Variants in CREB5 observed in about 807,000 individuals in gnomAD.
The protein encoded by CREB5 is cAMP responsive element binding protein 5.
Under a neutral mutation model 57.1 loss-of-function variants are expected in CREB5, and 19 were observed. The ratio of observed to expected loss-of-function variants is 0.33; its 90% CI spans 0.23 to 0.49. The LOEUF (loss-of-function observed/expected upper bound fraction) is 0.49, where lower values mean the gene tolerates loss of function less well. CREB5 is among the 20% of genes least tolerant of loss of function. The probability of loss-of-function intolerance (pLI) is 0.99; values close to 1 mark genes in which losing one functional copy is unlikely to be tolerated. For synonymous variants in CREB5, 238 were observed against 238.3 expected (o/e 1.00, Z 0.01); for missense variants, 579 against 671.6 (o/e 0.86, Z 1.52).
chr7:28,665,242 G>A (rs1799777320), intron 5 of CREB5, among the ~76,000 whole-genome samples: 1 of 152,162 alleles, frequency 6.6e-6, no homozygotes, highest in Admixed American at 6.5e-5. Context: ...GGGTAGGGGA[G>A]AGCGGAAACC....
intron 5 of CREB5, among the ~76,000 whole-genome samples, chr7:28,610,584 G>C (rs1159940197): frequency 6.6e-6 from 1 of 152,122 alleles, no homozygotes; most frequent in Non-Finnish European, 1.5e-5. Flanking sequence ...CCGAAGATAA[G>C]AATTCAACCT....
intron 1 of CREB5, among the ~76,000 whole-genome samples, chr7:28,453,834 C>A (rs1278012641): frequency 6.6e-6 from 1 of 152,168 alleles, no homozygotes; most frequent in Non-Finnish European, 1.5e-5. Flanking sequence ...AAAATAAAAT[C>A]TTTGTAAATG....
chr7:28,600,311 T>C (rs1418215521), intron 5 of CREB5, among the ~76,000 whole-genome samples: 1 of 152,130 alleles, frequency 6.6e-6, no homozygotes, highest in African/African-American at 2.4e-5. Flanking sequence ...TCCTGACATC[T>C]CCTCCCGTGT....
chr7:28,818,683 A>G (rs1403193627), intron 10 of CREB5: 3 of 448,830 alleles, frequency 6.7e-6, no homozygotes, highest in African/African-American at 2.0e-5. Context: ...CAGTTGGTTA[A>G]ATGATAGTTG....
chr7:28,653,073 G>A (rs1447164710), intron 5 of CREB5, among the ~76,000 whole-genome samples: 1 of 152,206 alleles, frequency 6.6e-6, no homozygotes, highest in Non-Finnish European at 1.5e-5. Flanking sequence ...AGTTGTGTGT[G>A]ATTCGGCAGA....
intron 5 of CREB5, among the ~76,000 whole-genome samples, chr7:28,580,252 G>A (rs1428843627): frequency 6.6e-6 from 1 of 152,098 alleles, no homozygotes; most frequent in African/African-American, 2.4e-5. Flanking sequence ...GCTTCATGCT[G>A]TTAGAGGTGA....
intron 7 of CREB5, among the ~76,000 whole-genome samples, chr7:28,740,460 T>C (rs889041280): frequency 1.3e-5 from 2 of 152,304 alleles, no homozygotes; most frequent in African/African-American, 2.4e-5. Context: ...AGGGGTACGA[T>C]GTTCTCTGTT....
chr7:28,365,536 A>G (rs1786569578), intron 1 of CREB5, among the ~76,000 whole-genome samples: 1 of 151,194 alleles, frequency 6.6e-6, no homozygotes, highest in Non-Finnish European at 1.5e-5. Context: ...GATCCCATCT[A>G]CTCCTCTGGC....
chr7:28,493,384 A>T (rs56241566), intron 2 of CREB5, among the ~76,000 whole-genome samples: 2 of 152,116 alleles, frequency 1.3e-5, no homozygotes, highest in Non-Finnish European at 2.9e-5. Flanking sequence ...CTATAATAAC[A>T]AATTACCCCA....
At chr7:28,763,346 AAG>A (rs1192850656) in intron 7 of CREB5, among the ~76,000 whole-genome samples, 1 of 152,160 alleles carries the variant, frequency 6.6e-6, no homozygotes, top group African/African-American at 2.4e-5. Context: ...TTCTATTTCA[AAG>A]AGAGTCCTCC....
intron 5 of CREB5, among the ~76,000 whole-genome samples, chr7:28,593,155 CAT>C (rs1263598627): frequency 6.6e-6 from 1 of 152,242 alleles, no homozygotes. Flanking sequence ...CACACTCACA[CAT>C]ATCACAGCAT....
At chr7:28,645,889 T>C (rs900690126) in intron 5 of CREB5, among the ~76,000 whole-genome samples, 1 of 152,168 alleles carries the variant, frequency 6.6e-6, no homozygotes, top group African/African-American at 2.4e-5. Context: ...TGGGCCATCA[T>C]CCAATCTGTT....
At chr7:28,416,060 A>G (rs1788011621) in intron 1 of CREB5, among the ~76,000 whole-genome samples, 1 of 152,196 alleles carries the variant, frequency 6.6e-6, no homozygotes, top group Non-Finnish European at 1.5e-5. Context: ...ATTTGATTTA[A>G]GATGATATTT....
intron 5 of CREB5, among the ~76,000 whole-genome samples, chr7:28,612,036 G>A (rs772210497): frequency 3.3e-5 from 5 of 152,172 alleles, no homozygotes; most frequent in African/African-American, 4.8e-5. Context: ...CACGTAGTCA[G>A]CTCCAACCTA....
At chr7:28,306,546 GTTTTTTTTGTTTTTT>G (rs1348556581) in intron 1 of CREB5, among the ~76,000 whole-genome samples, 37 of 93,490 alleles carry the variant, frequency 4.0e-4, no homozygotes, top group African/African-American at 2.0e-4. Context: ...ATACAGTTTT[GTTTTTTTTGTTTTTT>G]TTTTTTTTTT....
chr7:28,707,860 T>G (rs920267273), intron 5 of CREB5, among the ~76,000 whole-genome samples: 18 of 152,234 alleles, frequency 1.2e-4, no homozygotes, highest in African/African-American at 4.1e-4. Flanking sequence ...ACTTTGAAGA[T>G]CATCATCATT....
rs1390028886 is a variant in CREB5, at chr7:28,482,160, G to A, written c.4-6015G>A. Among the ~76,000 whole-genome samples the A allele has an allele frequency of 3.9e-5, 6 of 152,174 alleles. No homozygotes were observed. In the East Asian group the frequency reaches 7.7e-4, roughly 20 times the overall value. ...CAGATGAGCAAATAAGATAATGAAA[G>A]ATGCAATATCCCTCCCAAAGAAAGA... On this transcript the variant is annotated intron_variant, in intron 1 of 10. Transcript: ENST00000357727.
At chr7:28,681,862 T>C (rs181083407) in intron 5 of CREB5, among the ~76,000 whole-genome samples, 1 of 152,318 alleles carries the variant, frequency 6.6e-6, no homozygotes, top group Non-Finnish European at 1.5e-5. Context: ...CTTTCAGACA[T>C]TGGTTTAGGT....
At chr7:28,324,386 T>G (rs1302095266) in intron 1 of CREB5, among the ~76,000 whole-genome samples, 1 of 152,172 alleles carries the variant, frequency 6.6e-6, no homozygotes, top group African/African-American at 2.4e-5. Flanking sequence ...AAGCTGCTCA[T>G]GTCAAGGCAC....
Sources: allele counts gnomAD v4.1 joint callset (sites outside exome capture counted in the v4.1 genomes callset), GRCh38; gene constraint gnomAD v4.1.1; transcripts MANE v1.5; gene names NCBI Gene and HGNC (gene_info 2026-07-23, HGNC 2026-07-21).